The following VPS50 variants were observed in gnomAD, a reference collection of about 807,000 sequenced individuals.
The protein encoded by VPS50 is VPS50 subunit of EARP/GARPII complex.
A neutral mutation model predicts 139.7 loss-of-function variants in VPS50; 70 were observed. That is an observed-to-expected ratio of 0.50 (90% CI 0.41 to 0.61). The LOEUF is 0.61. Among genes scored for constraint, VPS50 ranks in the 20% least tolerant of loss-of-function variants. The pLI, the probability that VPS50 is intolerant of heterozygous loss-of-function variation, is 0.00. For missense variants in VPS50, 921 were observed against 1,133.7 expected, an observed-to-expected ratio of 0.81 and a Z score of 2.69; for synonymous variants, 365 against 376.7, an observed-to-expected ratio of 0.97 and a Z score of 0.36.
rs781579913 is a variant in VPS50 at position 93,349,860 on chromosome 7, T to C, written c.2305-15T>C. The stretch of plus-strand genomic sequence containing the variant: ...TAGAAAATAATTGTTTTCATTTTTG[T>C]GAAATTTATTTCAGACAGTCTCAAC... On this transcript the variant is annotated splice_polypyrimidine_tract_variant and intron_variant, in intron 24 of 27. Coordinates refer to ENST00000305866, the MANE Select transcript of VPS50 (RefSeq NM_017667.4). 4 of 1,594,294 alleles carry C rather than the reference T, an allele frequency of 2.5e-6. No homozygotes were observed. The highest frequency in any genetic ancestry group is 3.4e-6 in the Non-Finnish European group (4 of 1,170,980).
Position 93,308,924 on chromosome 7 carries a change from G to A in VPS50, c.1730G>A (p.Gly577Glu). 1 of 1,575,976 alleles carries A rather than the reference G, an allele frequency of 6.3e-7. No individual in the cohort carries two copies. ...LKRDYVDEQT[G>E]DGPVKSVSRE... ...CGAGACTATGTGGATGAGCAGACAGGAGATGGTCCTGTGAAAAGGTGATTG... is the reference window on the plus strand; with the variant it reads ...CGAGACTATGTGGATGAGCAGACAGAAGATGGTCCTGTGAAAAGGTGATTG... The change falls in exon 19 of 28, where the codon GGA becomes GAA. Residue 577 changes from glycine to glutamate, a missense_variant. By Grantham distance (98) the Gly-to-Glu change is moderately conservative. This residue lies in a region of VPS50 where 744 missense variants were observed against 930.6 expected (regional missense o/e 0.80). Transcript: ENST00000305866.
At chr7:93,256,615 T>C in intron 5 of VPS50, 53 bp downstream of exon 5, 1 of 920,902 alleles carries the variant, frequency 1.1e-6, no homozygotes, top group South Asian at 1.6e-5. Context: ...GTTTGAGTGA[T>C]TTACACTTGA....
intron 21 of VPS50, among the ~76,000 whole-genome samples, chr7:93,329,061 A>G (rs933230527): frequency 6.6e-6 from 1 of 152,248 alleles, no homozygotes; most frequent in South Asian, 2.1e-4. Flanking sequence ...CAGAATCTCC[A>G]GAATGAAATT....
chr7:93,292,232 C>A (rs974843877), intron 13 of VPS50, among the ~76,000 whole-genome samples: 2 of 151,836 alleles, frequency 1.3e-5, no homozygotes, highest in South Asian at 4.1e-4. Flanking sequence ...AGTAATAAAG[C>A]TAGGTTCTAA....
At chr7:93,279,527 A>G (rs1465257526) in intron 12 of VPS50, among the ~76,000 whole-genome samples, 1 of 152,196 alleles carries the variant, frequency 6.6e-6, no homozygotes, top group African/African-American at 2.4e-5. Flanking sequence ...TAAGCTGCTT[A>G]TTTTTCAATA....
At chr7:93,304,694 A>G (rs1329160193) in intron 17 of VPS50, among the ~76,000 whole-genome samples, 1 of 151,854 alleles carries the variant, frequency 6.6e-6, no homozygotes, top group Non-Finnish European at 1.5e-5. Context: ...TAATTGTAAG[A>G]CATGTTTTTT....
intron 22 of VPS50, among the ~76,000 whole-genome samples, chr7:93,335,698 T>C (rs1414401426): frequency 6.6e-6 from 1 of 152,180 alleles, no homozygotes; most frequent in Non-Finnish European, 1.5e-5. Flanking sequence ...AGTATAACCT[T>C]GAGCATCAAA....
chr7:93,301,051 C>T (rs907687323), intron 16 of VPS50, among the ~76,000 whole-genome samples: 3 of 152,230 alleles, frequency 2.0e-5, no homozygotes, highest in Non-Finnish European at 4.4e-5. Context: ...AATCCCAGCA[C>T]TTTGGGAGGC....
In VPS50 at chr7:93,334,199, T is replaced by C. The variant is rs1335184066; in HGVS notation, c.2058+2T>C. ...ATACAAGAAAGCCTTATTGATCTAG[T>C]AAGTAACGAATTGGAATAAATTCTT... On this transcript the variant is annotated splice_donor_variant, in intron 22 of 27. Coordinates refer to ENST00000305866, the MANE Select transcript of VPS50 (RefSeq NM_017667.4). LOFTEE classifies it high-confidence loss of function. 6.8e-7 allele frequency: 1 copy of C among 1,460,872 alleles called. No homozygotes were observed. The highest frequency in any genetic ancestry group is 9.5e-7 in the Non-Finnish European group (1 of 1,053,410). 90.5% of individuals were successfully genotyped at this position (1,460,872 alleles called of 1,614,324 possible).
At chr7:93,310,714 C>T (rs542226966) in intron 19 of VPS50, among the ~76,000 whole-genome samples, 30 of 151,892 alleles carry the variant, frequency 2.0e-4, no homozygotes, top group Admixed American at 1.3e-3. Context: ...TATTTTATGC[C>T]GGCCCTTTTT....
intron 9 of VPS50, among the ~76,000 whole-genome samples, chr7:93,267,846 A>G (rs945138479): frequency 6.6e-6 from 1 of 152,224 alleles, no homozygotes; most frequent in African/African-American, 2.4e-5. Context: ...TATGTCTAAA[A>G]TATAGGCATT....
chr7:93,310,433 C>A (rs1797234323), intron 19 of VPS50, among the ~76,000 whole-genome samples: 2 of 151,918 alleles, frequency 1.3e-5, no homozygotes, highest in African/African-American at 4.8e-5. Flanking sequence ...AGGCTTGCCC[C>A]ATTCCAAACA....
At chr7:93,284,211 T>C (rs983657387) in intron 12 of VPS50, among the ~76,000 whole-genome samples, 1 of 152,220 alleles carries the variant, frequency 6.6e-6, no homozygotes, top group African/African-American at 2.4e-5. Context: ...TGGGCCACCT[T>C]GCCCAACAGG....
chr7:93,270,198 A>G (rs554293026), intron 9 of VPS50, among the ~76,000 whole-genome samples: 2 of 151,966 alleles, frequency 1.3e-5, no homozygotes, highest in South Asian at 4.2e-4. Flanking sequence ...GTGTATGAGT[A>G]TAACTCAGTA....
At chr7:93,279,902 T>G (rs867684020) in intron 12 of VPS50, among the ~76,000 whole-genome samples, 5 of 152,134 alleles carry the variant, frequency 3.3e-5, no homozygotes, top group South Asian at 2.1e-4. Flanking sequence ...TGAAAAGAGA[T>G]AATCATCTGC....
intron 2 of VPS50, among the ~76,000 whole-genome samples, chr7:93,244,169 A>AT (rs1166672795): frequency 6.6e-6 from 1 of 151,784 alleles, no homozygotes; most frequent in Non-Finnish European, 1.5e-5. Context: ...ATAAGAAATA[A>AT]TTTTTTTATA....
At chr7:93,246,592 G>A (rs1795163474) in intron 2 of VPS50, among the ~76,000 whole-genome samples, 1 of 151,826 alleles carries the variant, frequency 6.6e-6, no homozygotes, top group Non-Finnish European at 1.5e-5. Flanking sequence ...TTTCAAAATT[G>A]CAGAAAATAT....
At chr7:93,326,753 A>G (rs1797792784) in intron 21 of VPS50, among the ~76,000 whole-genome samples, 1 of 152,048 alleles carries the variant, frequency 6.6e-6, no homozygotes, top group Non-Finnish European at 1.5e-5. Flanking sequence ...CATTCCATTG[A>G]GTCCTATGAA....
At chr7:93,233,911 C>T (rs1290871076) in intron 1 of VPS50, among the ~76,000 whole-genome samples, 3 of 152,180 alleles carry the variant, frequency 2.0e-5, no homozygotes, top group Non-Finnish European at 4.4e-5. Context: ...AGTTCCTGGG[C>T]ATTATCAAGG....
Sources: gnomAD v4.1 joint callset for allele counts (sites outside exome capture counted in the v4.1 genomes callset) on GRCh38, gnomAD v4.1.1 for gene constraint, gnomAD v4.1.1 regional missense constraint, MANE v1.5 for transcripts, NCBI Gene and HGNC (gene_info 2026-07-23, HGNC 2026-07-21) for gene names.